GLRA2: variants seen among roughly 807,000 people sequenced by gnomAD.
GLRA2 encodes the protein glycine receptor alpha 2, also known as glycine receptor subunit alpha-2.
GLRA2 carries 11 observed loss-of-function variants against 31.6 expected under a neutral mutation model. The ratio of observed to expected loss-of-function variants is 0.35; its 90% CI spans 0.22 to 0.58. The LOEUF is 0.58. Among genes scored for constraint, GLRA2 ranks in the 20% least tolerant of loss-of-function variants. The pLI is 0.84. For synonymous variants in GLRA2, 132 were observed against 134.0 expected, an observed-to-expected ratio of 0.99 and a Z score of 0.10; for missense variants, 212 against 351.8, an observed-to-expected ratio of 0.60 and a Z score of 3.18.
chrX:14,657,697 T>C (rs750470663), intron 7 of GLRA2, among the ~76,000 whole-genome samples: 1 of 112,538 alleles, frequency 8.9e-6, no homozygotes, highest in Admixed American at 9.4e-5. Flanking sequence ...CTAGGGTCCA[T>C]AGATTTGTGT....
upstream of GLRA2, among the ~76,000 whole-genome samples, chrX:14,524,816 CAT>C (rs2089182590): frequency 9.1e-6 from 1 of 109,953 alleles, no homozygotes; most frequent in African/African-American, 3.3e-5. Context: ...ATCACAAAAA[CAT>C]AATTATTAAA....
the GLRA2 span, among the ~76,000 whole-genome samples, chrX:14,487,466 A>G: frequency 4.7e-5 from 5 of 107,293 alleles, no homozygotes; most frequent in Non-Finnish European, 9.6e-5. Flanking sequence ...GCAAAGATTT[A>G]CTTCCTATGG....
upstream of GLRA2, among the ~76,000 whole-genome samples, chrX:14,527,409 G>T (rs1469831679): frequency 9.0e-6 from 1 of 111,517 alleles, no homozygotes; most frequent in Non-Finnish European, 1.9e-5. Context: ...AAGGTCAAGA[G>T]ATCAAGACCA....
intron 2 of GLRA2, among the ~76,000 whole-genome samples, chrX:14,533,846 A>T (rs1229767606): frequency 9.0e-6 from 1 of 111,473 alleles, no homozygotes; most frequent in Non-Finnish European, 1.9e-5. Flanking sequence ...ATTAGGAAAT[A>T]CAGGTAAATC....
At chrX:14,477,693 G>T in the GLRA2 span, among the ~76,000 whole-genome samples, 1 of 111,191 alleles carries the variant, frequency 9.0e-6, no homozygotes, top group Non-Finnish European at 1.9e-5. Flanking sequence ...ATCACTAACT[G>T]CCCAAACACC....
intron 7 of GLRA2, among the ~76,000 whole-genome samples, chrX:14,641,977 G>C (rs938059328): frequency 4.4e-5 from 5 of 112,396 alleles, no homozygotes; most frequent in African/African-American, 1.6e-4. Flanking sequence ...CTGGCTCTGG[G>C]TAGAAACTAA....
rs979414624 is a variant in GLRA2, at chrX:14,731,078, T to C, written c.*593T>C. 1.8e-5 allele frequency: 2 copies of C among 112,385 alleles called. No homozygotes were observed. Among genetic ancestry groups the C allele is most frequent in the African/African-American group, 6.5e-5 (2 of 30,758 alleles). 9.3% of individuals were successfully genotyped at this position (112,385 alleles called of 1,213,427 possible). ...CCTAAGCTATGTTCTTTACAATGTC[T>C]GTAATTAGTGTTTCACTTGAGAAAG... On this transcript the variant is annotated 3_prime_UTR_variant, in exon 9 of 9. Coordinates refer to ENST00000218075, the MANE Select transcript of GLRA2 (RefSeq NM_002063.4).
At position 14,713,839 on chromosome X, in the gene GLRA2, C is replaced by A. The variant is rs1210013534; in HGVS notation, c.1081-16368C>A. 2.7e-5 allele frequency among the ~76,000 whole-genome samples: 3 copies of A among 111,070 alleles called. No homozygotes were observed. In the East Asian group the frequency reaches 8.5e-4, roughly 32 times the overall value. On this transcript the variant is annotated intron_variant, in intron 8 of 8. Transcript: ENST00000218075. ...TGTTACAAGGACTTATGAGGAGAAC[C>A]ACTGGAGAGTTTTGAGCTGAAGATG...
the GLRA2 span, among the ~76,000 whole-genome samples, chrX:14,455,872 A>G: frequency 1.8e-5 from 2 of 111,711 alleles, no homozygotes; most frequent in African/African-American, 6.5e-5. Context: ...TTTAAAATCC[A>G]CTTTAATGTT....
chrX:14,578,196 A>G (rs1029460331), intron 3 of GLRA2, among the ~76,000 whole-genome samples: 3 of 111,886 alleles, frequency 2.7e-5, no homozygotes, highest in African/African-American at 9.8e-5. Flanking sequence ...TTGTTCCCAG[A>G]TCAAAGGCAA....
intron 2 of GLRA2, among the ~76,000 whole-genome samples, chrX:14,558,827 T>C (rs1338077796): frequency 7.5e-5 from 8 of 106,384 alleles, no homozygotes; most frequent in Non-Finnish European, 1.6e-4. Context: ...TGTCTAGAAT[T>C]TTTTTTTTTT....
chrX:14,481,521 C>G, the GLRA2 span, among the ~76,000 whole-genome samples: 1 of 111,198 alleles, frequency 9.0e-6, no homozygotes. Context: ...TTGAGCTCTT[C>G]GACATTTTAA....
chrX:14,599,025 G>C (rs1413562183), intron 4 of GLRA2, among the ~76,000 whole-genome samples: 1 of 111,520 alleles, frequency 9.0e-6, no homozygotes, highest in Non-Finnish European at 1.9e-5. Flanking sequence ...GTAAGAAAGG[G>C]AAAGGGCAGG....
chrX:14,663,906 T>C (rs1477351687), intron 7 of GLRA2, among the ~76,000 whole-genome samples: 2 of 111,587 alleles, frequency 1.8e-5, no homozygotes, highest in East Asian at 5.6e-4. Context: ...TAAGAGTCTT[T>C]TAATTTTCTG....
chrX:14,588,797 T>A (rs2090109541), intron 4 of GLRA2, among the ~76,000 whole-genome samples: 1 of 111,711 alleles, frequency 9.0e-6, no homozygotes. Flanking sequence ...TTTCTCCTCC[T>A]TGGTTAGCTG....
At chrX:14,588,131 T>C (rs1437094252) in intron 4 of GLRA2, among the ~76,000 whole-genome samples, 2 of 111,311 alleles carry the variant, frequency 1.8e-5, no homozygotes, top group Non-Finnish European at 3.8e-5. Flanking sequence ...GGTCTCGAAC[T>C]CCCGACAAGT....
chrX:14,611,054 T>C (rs1429516418), intron 7 of GLRA2, among the ~76,000 whole-genome samples: 1 of 112,521 alleles, frequency 8.9e-6, no homozygotes, highest in African/African-American at 3.2e-5. Context: ...TCTTATGCTG[T>C]TATTAAACAT....
chrX:14,520,482 T>C, the GLRA2 span, among the ~76,000 whole-genome samples: 1 of 112,728 alleles, frequency 8.9e-6, no homozygotes, highest in Non-Finnish European at 1.9e-5. Context: ...AAGCAATCAC[T>C]TGCCATGAAT....
chrX:14,586,316 C>T (rs2090080336), intron 4 of GLRA2, among the ~76,000 whole-genome samples: 1 of 112,149 alleles, frequency 8.9e-6, no homozygotes, highest in African/African-American at 3.2e-5. Context: ...TGATGTAGGA[C>T]ACAATCTTTG....
Sources: gnomAD v4.1 joint callset for allele counts (sites outside exome capture counted in the v4.1 genomes callset) on GRCh38, gnomAD v4.1.1 for gene constraint, MANE v1.5 for transcripts, NCBI Gene and HGNC (gene_info 2026-07-23, HGNC 2026-07-21) for gene names.